Variants in SYT1 observed in about 807,000 individuals in gnomAD.
The protein encoded by SYT1 is synaptotagmin 1, also known as synaptotagmin-1.
In SYT1, 8 loss-of-function variants were observed where a neutral mutation model predicts 44.8. The observed-to-expected ratio is 0.18, with a 90% CI of 0.10 to 0.32. SYT1 has a LOEUF of 0.32. SYT1 is among the 10% of genes least tolerant of loss of function. SYT1 has a pLI of 1.00. For missense variants in SYT1, 286 were observed against 509.3 expected (o/e 0.56, Z 4.22); for synonymous variants, 154 against 188.8 (o/e 0.82, Z 1.51).
chr12:79,231,278 A>T (rs777371786), intron 4 of SYT1, among the ~76,000 whole-genome samples: 2 of 152,096 alleles, frequency 1.3e-5, no homozygotes, highest in Non-Finnish European at 2.9e-5. Context: ...TTTGTACTTG[A>T]TATCTTCTGA....
At chr12:79,303,748 T>C (rs1213558573) in intron 8 of SYT1, among the ~76,000 whole-genome samples, 1 of 152,198 alleles carries the variant, frequency 6.6e-6, no homozygotes, top group Non-Finnish European at 1.5e-5. Context: ...GAAGAATACA[T>C]ATTCAATCAA....
At chr12:78,893,948 G>A (rs1202161256) in intron 1 of SYT1, among the ~76,000 whole-genome samples, 1 of 151,660 alleles carries the variant, frequency 6.6e-6, no homozygotes, top group African/African-American at 2.4e-5. Flanking sequence ...GGAATGAGGA[G>A]GCTAGCAATG....
chr12:78,975,377 A>G (rs1004990125), intron 1 of SYT1, among the ~76,000 whole-genome samples: 1 of 152,182 alleles, frequency 6.6e-6, no homozygotes, highest in African/African-American at 2.4e-5. Context: ...TGGCCAGTGT[A>G]CTTTCACTGC....
chr12:79,103,884 G>A lies in SYT1; in HGVS notation c.-18+56522G>A, dbSNP rs185685446. 5.9e-5 allele frequency among the ~76,000 whole-genome samples: 9 copies of A among 152,194 alleles called. No homozygotes were observed. The East Asian group carries it at 1.5e-3, about 26-fold the overall frequency. ...TAAGAATATGTACTTACCCACACCAGCAGTGCAACCTTACCCTTGGGTCTG... is the reference window on the plus strand; with the variant it reads ...TAAGAATATGTACTTACCCACACCAACAGTGCAACCTTACCCTTGGGTCTG... On this transcript the variant is annotated intron_variant, in intron 3 of 10. Transcript: ENST00000261205.
At chr12:79,173,135 A>G (rs1347062561) in intron 3 of SYT1, among the ~76,000 whole-genome samples, 1 of 151,990 alleles carries the variant, frequency 6.6e-6, no homozygotes, top group Non-Finnish European at 1.5e-5. Flanking sequence ...ACTAAGAGGT[A>G]GAACAAAGTA....
intron 3 of SYT1, among the ~76,000 whole-genome samples, chr12:79,181,797 T>G (rs147322468): frequency 6.6e-6 from 1 of 152,204 alleles, no homozygotes; most frequent in East Asian, 1.9e-4. Flanking sequence ...TAACCTTAGT[T>G]TTTAGTTCAC....
intron 1 of SYT1, among the ~76,000 whole-genome samples, chr12:78,889,628 A>G (rs990148669): frequency 3.3e-5 from 5 of 151,644 alleles, no homozygotes; most frequent in Admixed American, 3.3e-4. Context: ...GTGCATGGGA[A>G]CATAACGAAG....
At chr12:79,008,126 A>G (rs562827289) in intron 2 of SYT1, among the ~76,000 whole-genome samples, 1 of 152,068 alleles carries the variant, frequency 6.6e-6, no homozygotes, top group Non-Finnish European at 1.5e-5. Flanking sequence ...TAGAAGGTCC[A>G]TTTGTATAGC....
At chr12:79,024,243 T>G (rs1319010937) in intron 2 of SYT1, among the ~76,000 whole-genome samples, 1 of 151,626 alleles carries the variant, frequency 6.6e-6, no homozygotes, top group Non-Finnish European at 1.5e-5. Flanking sequence ...GTAATGGGAT[T>G]GAGAGAGGCG....
At chr12:79,224,657 A>G (rs1046275673) in intron 4 of SYT1, among the ~76,000 whole-genome samples, 2 of 151,980 alleles carry the variant, frequency 1.3e-5, no homozygotes, top group Non-Finnish European at 2.9e-5. Context: ...CTTAGATTTT[A>G]CACTGAGTGA....
chr12:79,057,295 A>G (rs1592708657), intron 3 of SYT1, among the ~76,000 whole-genome samples: 1 of 152,110 alleles, frequency 6.6e-6, no homozygotes, highest in South Asian at 2.1e-4. Context: ...TCCATTTTCA[A>G]AGGAATCCTG....
At chr12:79,209,382 A>AC (rs1874309628) in intron 3 of SYT1, among the ~76,000 whole-genome samples, 1 of 152,200 alleles carries the variant, frequency 6.6e-6, no homozygotes, top group Non-Finnish European at 1.5e-5. Context: ...TTCCCTGGGA[A>AC]CCTGCTCTCA....
At chr12:79,023,165 G>A (rs1236879834) in intron 2 of SYT1, among the ~76,000 whole-genome samples, 1 of 151,800 alleles carries the variant, frequency 6.6e-6, no homozygotes, top group African/African-American at 2.4e-5. Flanking sequence ...AGTCTCCACA[G>A]GGCTTTCAAA....
At chr12:79,285,085 A>G (rs1247333625) in intron 4 of SYT1, among the ~76,000 whole-genome samples, 2 of 152,304 alleles carry the variant, frequency 1.3e-5, no homozygotes, top group East Asian at 1.9e-4. Flanking sequence ...CACCGAACAC[A>G]TGAGCATCAC....
chr12:79,451,072 A>C lies in SYT1; in HGVS notation c.*1948A>C, dbSNP rs1871029174. ...TCTTTTCAAAAACTAAAGAGAATTC[A>C]AAAAGGGCTGATGGTAGGCTTTGAA... On this transcript the variant is annotated 3_prime_UTR_variant, in exon 11 of 11. Coordinates refer to ENST00000261205, the MANE Select transcript of SYT1 (RefSeq NM_005639.3). The C allele has an allele frequency of 1.3e-5, 2 of 152,222 alleles. No individual in the cohort carries two copies. The highest frequency in any genetic ancestry group is 4.1e-4 in the South Asian group (2 of 4,834). 9.4% of individuals were successfully genotyped at this position (152,222 alleles called of 1,614,324 possible).
rs372349718 is a variant in SYT1, at chr12:79,094,310, T to A, written c.-18+46948T>A. Among the ~76,000 whole-genome samples the A allele has an allele frequency of 3.3e-5, 5 of 151,804 alleles. No homozygotes were observed. The East Asian group carries it at 9.6e-4, about 29-fold the overall frequency. ...AACCAACAGCATTAAGCTAGTCCTA[T>A]TTGTGAAAGATTTACCCAAGTCACA... On this transcript the variant is annotated intron_variant, in intron 3 of 10. Transcript: ENST00000261205.
At chr12:79,315,245 T>G (rs375335451) in intron 8 of SYT1, among the ~76,000 whole-genome samples, 3 of 152,216 alleles carry the variant, frequency 2.0e-5, no homozygotes, top group East Asian at 1.9e-4. Flanking sequence ...GGGTCTCTTT[T>G]TGTCACCCAG....
chr12:79,188,907 A>T (rs1367296277), intron 3 of SYT1, among the ~76,000 whole-genome samples: 1 of 151,998 alleles, frequency 6.6e-6, no homozygotes, highest in African/African-American at 2.4e-5. Flanking sequence ...ACAGAGTCCC[A>T]CTTTATTATT....
chr12:79,031,519 A>T, intron 2 of SYT1, among the ~76,000 whole-genome samples: 1 of 151,120 alleles, frequency 6.6e-6, no homozygotes, highest in East Asian at 1.9e-4. Context: ...GGAATTTTAT[A>T]TTTATGGCTT....
Sources: allele counts gnomAD v4.1 joint callset (sites outside exome capture counted in the v4.1 genomes callset), GRCh38; gene constraint gnomAD v4.1.1; transcripts MANE v1.5; gene names NCBI Gene and HGNC (gene_info 2026-07-23, HGNC 2026-07-21).